The following COLQ variants were observed in gnomAD, a reference collection of about 807,000 sequenced individuals.
The protein encoded by COLQ is acetylcholinesterase collagenic tail peptide.
COLQ carries 48 observed loss-of-function variants against 69.0 expected under a neutral mutation model. The ratio of observed to expected loss-of-function variants is 0.70; its 90% CI spans 0.55 to 0.88. The LOEUF is 0.88. Ranked by LOEUF, COLQ falls within the 40% of genes least tolerant of loss-of-function variation. The pLI is 0.00. For missense variants in COLQ, 618 were observed against 594.6 expected (o/e 1.04, Z -0.41); for synonymous variants, 217 against 211.2 (o/e 1.03, Z -0.24).
chr3:15,481,057 T>TCTTTGTAGATTTTGGATATTAGCC (rs1289332862), intron 3 of COLQ, among the ~76,000 whole-genome samples: 1 of 152,216 alleles, frequency 6.6e-6, no homozygotes. Context: ...TTGCTTAAGT[T>TCTTTGTAGATTTTGGATATTAGCC]CTTTGTAGAT....
rs2062607092 is a variant in COLQ at position 15,488,230 on chromosome 3, G to A, written c.297C>T (p.Gly99=). The A allele has an allele frequency of 1.2e-6, 2 of 1,612,792 alleles. No homozygotes were observed. Among genetic ancestry groups the A allele is most frequent in the African/African-American group, 1.3e-5 (1 of 74,928 alleles). Residue 99 remains glycine (G), a synonymous_variant, in exon 3 of 17, where the codon GGC becomes GGT. Transcript: ENST00000383788. ...CCTGGGGGCCGGGAGGCCCAGGGGA[G>A]CCTAGCGAGCCTTGCATGCACGGGG... ...SQSPCMQGSL[G]SPGPPGPQGP...
chr3:15,483,068 A>T (rs1418396171), intron 3 of COLQ, among the ~76,000 whole-genome samples: 1 of 151,918 alleles, frequency 6.6e-6, no homozygotes, highest in African/African-American at 2.4e-5. Context: ...CCCCTTTATC[A>T]TTTTTTATTG....
chr3:15,514,878 C>T (rs948299631), intron 1 of COLQ, among the ~76,000 whole-genome samples: 6 of 152,212 alleles, frequency 3.9e-5, no homozygotes, highest in Non-Finnish European at 8.8e-5. Context: ...TCCTGCTTTT[C>T]AAGATGTTTG....
chr3:15,490,776 G>A lies in COLQ; in HGVS notation c.107-1139C>T, dbSNP rs143695534. Among the ~76,000 whole-genome samples the A allele has an allele frequency of 2.3e-3, 348 of 152,324 alleles. 1 individual carries two copies. The highest frequency in any genetic ancestry group is 7.9e-3 in the African/African-American group (327 of 41,572). On this transcript the variant is annotated intron_variant, in intron 1 of 16. Coordinates refer to ENST00000383788, the MANE Select transcript of COLQ (RefSeq NM_005677.4). ...CAACCACAACTATCACACATTAGCT[G>A]GCCAGAATGTAAATTGATCCAACCT...
Position 15,455,930 on chromosome 3 carries a change from G to A in COLQ, c.1164C>T (p.Asp388=), listed in dbSNP as rs149852377. The change falls in exon 15 of 17, where the codon GAC becomes GAT. Residue 388 remains aspartate, a synonymous_variant. Transcript: ENST00000383788. ...GLLQPGEECD[D]GNSDVGDDCI... ...AGTCGTCACCCACATCGCTGTTACC[G>A]TCGTCACACTCCTCCCCAGGCTGCA... 27 of 1,614,154 alleles carry A rather than the reference G, an allele frequency of 1.7e-5. No homozygotes were observed. The highest frequency in any genetic ancestry group is 1.6e-4 in the African/African-American group (12 of 75,034).
chr3:15,455,398 G>C (rs1047144884), intron 15 of COLQ, among the ~76,000 whole-genome samples: 1 of 152,224 alleles, frequency 6.6e-6, no homozygotes, highest in African/African-American at 2.4e-5. Context: ...TCCAGAGCCT[G>C]CTGCCTACCA....
intron 3 of COLQ, among the ~76,000 whole-genome samples, chr3:15,482,266 G>A (rs1231190881): frequency 2.0e-5 from 3 of 152,222 alleles, no homozygotes; most frequent in Non-Finnish European, 4.4e-5. Flanking sequence ...AGTGGTGAGA[G>A]AGGGCATCCC....
intron 6 of COLQ, among the ~76,000 whole-genome samples, chr3:15,476,258 T>G (rs568335131): frequency 3.9e-5 from 6 of 152,236 alleles, no homozygotes; most frequent in African/African-American, 1.2e-4. Context: ...AAAAAGCAGA[T>G]TCATGCATTC....
At chr3:15,498,707 C>G in intron 1 of COLQ, 1 of 1,543,996 alleles carries the variant, frequency 6.5e-7, no homozygotes, top group Non-Finnish European at 8.7e-7. Context: ...TGGGAGTTGG[C>G]CAATCCCTGC....
At chr3:15,500,394 C>T (rs938306597) in intron 1 of COLQ, among the ~76,000 whole-genome samples, 4 of 152,150 alleles carry the variant, frequency 2.6e-5, no homozygotes, top group Non-Finnish European at 4.4e-5. Context: ...AATTTCATTT[C>T]GCAAACCTTC....
intron 12 of COLQ, among the ~76,000 whole-genome samples, chr3:15,461,894 G>C (rs1011281365): frequency 2.0e-5 from 3 of 152,018 alleles, no homozygotes; most frequent in African/African-American, 7.2e-5. Flanking sequence ...CCGAGAATGG[G>C]TTTGGGACTT....
Position 15,455,890 on chromosome 3 carries a change from C to G in COLQ, c.1195+9G>C. On this transcript the variant is annotated intron_variant, in intron 15 of 16. Coordinates refer to ENST00000383788, the MANE Select transcript of COLQ (RefSeq NM_005677.4). ...GGCCTCAGGTCCTCCTGGTCTGGGC[C>G]TCACTCACGGATGCAGTCGTCACCC... 1.2e-6 allele frequency: 2 copies of G among 1,614,106 alleles called. No homozygotes were observed. The highest frequency in any genetic ancestry group is 1.7e-6 in the Non-Finnish European group (2 of 1,179,970).
rs1085307792 is a variant in COLQ at position 15,478,976 on chromosome 3, C to T, written c.393+1G>A. Reference sequence around the variant, plus strand: ...CACTCACAGAACAGCGCAGACCATACCTTCCTTCCTGGTCGGCCAAGCTCC... The same window carrying T: ...CACTCACAGAACAGCGCAGACCATATCTTCCTTCCTGGTCGGCCAAGCTCC... On this transcript the variant is annotated splice_donor_variant, in intron 5 of 16. Transcript: ENST00000383788. LOFTEE classifies it high-confidence loss of function. The T allele has an allele frequency of 6.2e-7, 1 of 1,614,196 alleles. No individual in the cohort carries two copies. The highest frequency in any genetic ancestry group is 2.2e-5 in the East Asian group (1 of 44,876).
At chr3:15,512,320 C>A (rs1210199007) in intron 1 of COLQ, among the ~76,000 whole-genome samples, 2 of 152,194 alleles carry the variant, frequency 1.3e-5, no homozygotes. Context: ...GAGGCCTCTC[C>A]TTCAGCTGTC....
intron 12 of COLQ, among the ~76,000 whole-genome samples, chr3:15,458,618 A>T (rs1313561639): frequency 1.3e-5 from 2 of 152,188 alleles, no homozygotes; most frequent in Non-Finnish European, 2.9e-5. Flanking sequence ...TGAGAAGATA[A>T]GCCAACATGC....
In COLQ at chr3:15,488,292, T is replaced by C. The variant is rs770561043; in HGVS notation, c.235A>G (p.Met79Val). 4 of 1,613,588 alleles carry C rather than the reference T, an allele frequency of 2.5e-6. No individual in the cohort carries two copies. The highest frequency in any genetic ancestry group is 1.3e-5 in the African/African-American group (1 of 75,032). Residue 79 changes from methionine to valine, a missense_variant, in exon 3 of 17, where the codon ATG becomes GTG. Met to Val is a conservative substitution (Grantham distance 21, BLOSUM62 1). Transcript: ENST00000383788. ...GGRSPLLSPD[M>V]KNLMLELETS... ...TCCAGTTCCAGCATGAGATTCTTCA[T>C]GTCTGGGGAGAGAAGCTTCAGTACA...
chr3:15,489,553 G>T lies in COLQ; in HGVS notation c.191C>A (p.Pro64Gln), dbSNP rs188737921. The change falls in exon 2 of 17, where the codon CCA becomes CAA. Residue 64 changes from proline (P) to glutamine (Q), a missense_variant. Pro to Gln is a moderately conservative substitution (Grantham distance 76). Transcript: ENST00000383788. ...LTPPPPPLFP[P>Q]PFFRGGRSPL... ...ACTTCGGCCACCTCTGAAGAATGGT[G>T]GTGGGAACAGTGGTGGTGGAGGAGG... is the stretch of plus-strand genomic sequence containing the variant. 1 of 1,614,206 alleles carries T rather than the reference G, an allele frequency of 6.2e-7. No homozygotes were observed. Among genetic ancestry groups the T allele is most frequent in the Middle Eastern group, 1.6e-4 (1 of 6,062 alleles).
intron 1 of COLQ, among the ~76,000 whole-genome samples, chr3:15,490,858 C>T (rs981603674): frequency 1.3e-5 from 2 of 151,336 alleles, no homozygotes; most frequent in Non-Finnish European, 3.0e-5. Context: ...TATACTCTAG[C>T]CCAGCAATTT....
chr3:15,457,651 T>G (rs917176680), intron 13 of COLQ, among the ~76,000 whole-genome samples: 3 of 151,514 alleles, frequency 2.0e-5, no homozygotes, highest in African/African-American at 7.3e-5. Flanking sequence ...CTCGCTCTGT[T>G]GCCCAGGCTG....
Sources: gnomAD v4.1 joint callset for allele counts (sites outside exome capture counted in the v4.1 genomes callset) on GRCh38, gnomAD v4.1.1 for gene constraint, MANE v1.5 for transcripts, NCBI Gene and HGNC (gene_info 2026-07-23, HGNC 2026-07-21) for gene names.